The following CDK5RAP2 variants were observed in gnomAD, a reference collection of about 807,000 sequenced individuals.
CDK5RAP2 encodes the protein CDK5 regulatory subunit-associated protein 2.
In CDK5RAP2, 147 loss-of-function variants were observed where a neutral mutation model predicts 232.9. The observed-to-expected ratio is 0.63, with a 90% CI of 0.55 to 0.72. The LOEUF is 0.72. Ranked by LOEUF, CDK5RAP2 falls within the 30% of genes least tolerant of loss-of-function variation. CDK5RAP2 has a pLI of 0.00. For missense variants in CDK5RAP2, 2,195 were observed against 2,231.5 expected (o/e 0.98, Z 0.33); for synonymous variants, 833 against 833.7 (o/e 1.00, Z 0.01).
intron 25 of CDK5RAP2, among the ~76,000 whole-genome samples, chr9:120,430,951 T>C (rs1445374484): frequency 6.6e-6 from 1 of 152,242 alleles, no homozygotes; most frequent in Admixed American, 6.5e-5. Context: ...GATGAGTTCA[T>C]GTCCTTTGTA....
At chr9:120,550,703 A>T (rs1009140443) in intron 4 of CDK5RAP2, 89 bp downstream of exon 4, 1 of 825,394 alleles carries the variant, frequency 1.2e-6, no homozygotes, top group African/African-American at 1.7e-5. Flanking sequence ...TATTCATACT[A>T]ACTCTAAGAA....
intron 4 of CDK5RAP2, among the ~76,000 whole-genome samples, chr9:120,549,258 T>C (rs1433419232): frequency 6.6e-6 from 1 of 152,040 alleles, no homozygotes; most frequent in East Asian, 1.9e-4. Flanking sequence ...TTTATACACA[T>C]ACACACACAC....
chr9:120,428,452 A>G (rs1045797808), intron 25 of CDK5RAP2, among the ~76,000 whole-genome samples: 2 of 152,230 alleles, frequency 1.3e-5, no homozygotes, highest in African/African-American at 2.4e-5. Flanking sequence ...AGAAATACAA[A>G]CTACCATCAG....
chr9:120,459,276 T>C (rs1489184775), intron 19 of CDK5RAP2, among the ~76,000 whole-genome samples: 1 of 152,296 alleles, frequency 6.6e-6, no homozygotes, highest in African/African-American at 2.4e-5. Flanking sequence ...CAAAGATGCA[T>C]CTAGTTAAAG....
chr9:120,509,372 G>A (rs2039973677), intron 12 of CDK5RAP2, among the ~76,000 whole-genome samples: 1 of 152,170 alleles, frequency 6.6e-6, no homozygotes, highest in Non-Finnish European at 1.5e-5. Flanking sequence ...AGAAAAGAAG[G>A]AATCGGATAC....
At chr9:120,473,766 G>C (rs1032544003) in intron 15 of CDK5RAP2, among the ~76,000 whole-genome samples, 19 of 152,180 alleles carry the variant, frequency 1.2e-4, no homozygotes, top group African/African-American at 4.6e-4. Flanking sequence ...CATTTAACCA[G>C]GGAGAAAAAA....
chr9:120,403,936 C>A lies in CDK5RAP2; in HGVS notation c.5041+100G>T, dbSNP rs1588241809. On this transcript the variant is annotated intron_variant, in intron 33 of 37. Coordinates refer to ENST00000349780, the MANE Select transcript of CDK5RAP2 (RefSeq NM_018249.6). This position sits in a 1 kb window ranked among gnomAD's most constrained non-coding sequence, Gnocchi z 4.2. ...TGAAATCCCAAATCCTTACCAAATA[C>A]CCTCCTGAGTTGGGACCAGGGACCC... 2 of 801,202 alleles carry A rather than the reference C, an allele frequency of 2.5e-6. 1 individual carries two copies. 49.6% of individuals were successfully genotyped at this position (801,202 alleles called of 1,614,324 possible).
At chr9:120,486,870 T>C (rs1434963761) in intron 14 of CDK5RAP2, among the ~76,000 whole-genome samples, 1 of 152,018 alleles carries the variant, frequency 6.6e-6, no homozygotes. Flanking sequence ...AAACATGGTG[T>C]TTTCAGGAAT....
intron 23 of CDK5RAP2, among the ~76,000 whole-genome samples, chr9:120,442,615 A>G (rs1438008329): frequency 6.6e-6 from 1 of 152,248 alleles, no homozygotes; most frequent in Non-Finnish European, 1.5e-5. Context: ...GTCTGTATTA[A>G]TAACTATCAA....
chr9:120,536,766 A>G, intron 6 of CDK5RAP2: 2 of 563,896 alleles, frequency 3.5e-6, no homozygotes, highest in South Asian at 3.7e-5. Context: ...TAAGAACTGT[A>G]TTTTTGGTTT....
In CDK5RAP2 at chr9:120,458,763, G is replaced by A; in HGVS notation, c.2203-141C>T. The A allele has an allele frequency of 5.3e-6, 4 of 749,254 alleles. No individual in the cohort carries two copies. In the Admixed American group the frequency reaches 8.5e-5, roughly 16 times the overall value. The allele number at this position is 749,254 out of a possible 1,614,324, so 46.4% of individuals were successfully genotyped here. A position where few individuals can be genotyped will look rare whatever the true frequency, so the allele number is the denominator to read the frequency against. ...AGCCAGAGAGAAACAGAAAAGAAAA[G>A]GGGGAGGAGAAGGAGGAAGAGAGAG... On this transcript the variant is annotated intron_variant, in intron 19 of 37. Transcript: ENST00000349780.
intron 12 of CDK5RAP2, among the ~76,000 whole-genome samples, chr9:120,499,090 G>A (rs2039453794): frequency 6.6e-6 from 1 of 152,164 alleles, no homozygotes; most frequent in Non-Finnish European, 1.5e-5. Context: ...TGTTTTTAAT[G>A]AGACAATCAG....
intron 7 of CDK5RAP2, among the ~76,000 whole-genome samples, chr9:120,535,970 T>C (rs1003501502): frequency 5.9e-5 from 9 of 152,216 alleles, no homozygotes; most frequent in Non-Finnish European, 1.3e-4. Flanking sequence ...CAAGAGAAAT[T>C]TCCTCTGATA....
At chr9:120,409,085 CG>C in intron 30 of CDK5RAP2, 41 bp downstream of exon 30, 1 of 1,592,660 alleles carries the variant, frequency 6.3e-7, no homozygotes, top group Non-Finnish European at 8.6e-7. Context: ...TGCCTGCATG[CG>C]TGGTACGGCC....
intron 12 of CDK5RAP2, among the ~76,000 whole-genome samples, chr9:120,513,042 CA>C (rs1481187860): frequency 6.6e-6 from 1 of 152,098 alleles, no homozygotes; most frequent in South Asian, 2.1e-4. Context: ...TGGGATGCAG[CA>C]AAATTTGAGT....
intron 17 of CDK5RAP2, among the ~76,000 whole-genome samples, chr9:120,468,813 C>T (rs2037529278): frequency 6.6e-6 from 1 of 152,228 alleles, no homozygotes; most frequent in Admixed American, 6.5e-5. Context: ...TGGTTTCCTG[C>T]AGGCTTCAAA....
intron 11 of CDK5RAP2, among the ~76,000 whole-genome samples, chr9:120,520,418 G>C (rs956400591): frequency 2.0e-5 from 3 of 152,200 alleles, no homozygotes; most frequent in Admixed American, 6.5e-5. Context: ...GAAGTGGGTG[G>C]ATCACCTGAA....
rs1267552591 is a variant in CDK5RAP2, at chr9:120,496,838, C to T, written c.1312-5361G>A. ...GCCGCCCCGTCCGGGAGGTGAGGGG[C>T]GCCTCTGCCCGGCCGCCCCTACTGG... On this transcript the variant is annotated intron_variant, in intron 12 of 37. Coordinates refer to ENST00000349780, the MANE Select transcript of CDK5RAP2 (RefSeq NM_018249.6). Among the ~76,000 whole-genome samples the T allele has an allele frequency of 2.1e-5, 3 of 140,920 alleles. No individual in the cohort carries two copies. The South Asian group carries it at 6.5e-4, about 31-fold the overall frequency. 92.4% of individuals were successfully genotyped at this position (140,920 alleles called of 152,430 possible). A position where few individuals can be genotyped will look rare whatever the true frequency, so the allele number is the denominator to read the frequency against.
intron 34 of CDK5RAP2, among the ~76,000 whole-genome samples, chr9:120,401,610 CAA>C (rs142588120): frequency 0.019 from 1,138 of 61,470 alleles, 13 homozygotes; most frequent in African/African-American, 0.063. Context: ...GACCCTGTCT[CAA>C]AAAAAAAAAA....
Sources: allele counts gnomAD v4.1 joint callset (sites outside exome capture counted in the v4.1 genomes callset), GRCh38; gene constraint gnomAD v4.1.1; non-coding constraint Gnocchi (gnomAD v3.1); transcripts MANE v1.5; gene names NCBI Gene and HGNC (gene_info 2026-07-23, HGNC 2026-07-21).